Variants in DAB1 observed in about 807,000 individuals in gnomAD.
DAB1 encodes DAB adaptor protein 1.
A neutral mutation model predicts 64.6 loss-of-function variants in DAB1; 15 were observed. The ratio of observed to expected loss-of-function variants is 0.23; its 90% confidence interval spans 0.16 to 0.36. DAB1 has a LOEUF of 0.36. Among genes scored for constraint, DAB1 ranks in the 10% least tolerant of loss-of-function variants. The probability of loss-of-function intolerance (pLI) is 1.00; values close to 1 mark genes in which losing one functional copy is unlikely to be tolerated. For synonymous variants in DAB1, 235 were observed against 251.9 expected (o/e 0.93, Z 0.64); for missense variants, 596 against 706.7 (o/e 0.84, Z 1.78).
In DAB1 at chr1:57,286,956, T is replaced by C. The variant is rs1672364989; in HGVS notation, c.67+4008A>G. Among the ~76,000 whole-genome samples, 3 of 152,218 alleles carry C rather than the reference T, an allele frequency of 2.0e-5. No individual in the cohort carries two copies. In the South Asian group the frequency reaches 6.2e-4, roughly 32 times the overall value. Reference sequence around the variant, plus strand: ...AGTATAAATTATAAGAGGAAAAATATGTATAATCATTGAAATAAATACAGA... The same window carrying C: ...AGTATAAATTATAAGAGGAAAAATACGTATAATCATTGAAATAAATACAGA... On this transcript the variant is annotated intron_variant, in intron 2 of 14. Transcript: ENST00000371236.
intron 5 of DAB1, among the ~76,000 whole-genome samples, chr1:58,020,673 G>C (rs532017466): frequency 9.2e-5 from 14 of 152,192 alleles, no homozygotes; most frequent in Non-Finnish European, 1.8e-4. Flanking sequence ...CCAATGAGAA[G>C]TTGTGTAAAA....
chr1:58,232,538 T>C (rs932931074), intron 4 of DAB1, among the ~76,000 whole-genome samples: 1 of 149,740 alleles, frequency 6.7e-6, no homozygotes, highest in Non-Finnish European at 1.5e-5. Flanking sequence ...GACAAACGAA[T>C]TCTGTGCCTA....
At chr1:57,275,490 T>A (rs2764664) in intron 2 of DAB1, among the ~76,000 whole-genome samples, 1 of 151,974 alleles carries the variant, frequency 6.6e-6, no homozygotes, top group Non-Finnish European at 1.5e-5. Flanking sequence ...GTTTAAAATT[T>A]GAATCCTTTA....
At chr1:58,488,505 G>A (rs1489020384) in intron 3 of DAB1, among the ~76,000 whole-genome samples, 2 of 152,138 alleles carry the variant, frequency 1.3e-5, no homozygotes, top group Non-Finnish European at 2.9e-5. Flanking sequence ...ACACTGGAGT[G>A]CAATGGCGCG....
At chr1:57,219,475 A>T (rs76816950) in intron 2 of DAB1, among the ~76,000 whole-genome samples, 5,803 of 152,308 alleles carry the variant, frequency 0.038, 154 homozygotes, top group African/African-American at 0.068. Flanking sequence ...CATATGTGGC[A>T]GATCCACCCT....
chr1:57,500,354 G>A (rs1348857030), intron 7 of DAB1, among the ~76,000 whole-genome samples: 1 of 152,156 alleles, frequency 6.6e-6, no homozygotes, highest in African/African-American at 2.4e-5. Context: ...TGCCAATCTT[G>A]CAACATGTCT....
At chr1:58,287,896 C>T (rs1661724214) in intron 4 of DAB1, among the ~76,000 whole-genome samples, 1 of 151,750 alleles carries the variant, frequency 6.6e-6, no homozygotes, top group African/African-American at 2.4e-5. Context: ...GTAATGCCCA[C>T]CTGTAGTCCC....
intron 1 of DAB1, among the ~76,000 whole-genome samples, chr1:57,365,015 C>T (rs72674873): frequency 0.084 from 12,374 of 147,272 alleles, 697 homozygotes; most frequent in Non-Finnish European, 0.12. Flanking sequence ...GAAATGGGCA[C>T]TGGGATTTTT....
At chr1:57,856,410 A>C (rs1410739661) in intron 1 of DAB1, among the ~76,000 whole-genome samples, 4 of 152,172 alleles carry the variant, frequency 2.6e-5, no homozygotes, top group South Asian at 4.1e-4. Context: ...TTTTATTTCT[A>C]GCATCTAGCA....
chr1:57,893,892 C>T (rs533566556), intron 5 of DAB1, among the ~76,000 whole-genome samples: 3 of 152,222 alleles, frequency 2.0e-5, no homozygotes, highest in Admixed American at 2.0e-4. Context: ...TTTGAGAGGG[C>T]TCACACCTGA....
At chr1:58,305,569 G>A (rs569327007) in intron 4 of DAB1, among the ~76,000 whole-genome samples, 80 of 152,184 alleles carry the variant, frequency 5.3e-4, no homozygotes, top group African/African-American at 1.8e-3. Context: ...ATCTCTGTGT[G>A]TAAAGCATTT....
chr1:58,216,122 C>T (rs1022858787), intron 4 of DAB1, among the ~76,000 whole-genome samples: 3 of 152,100 alleles, frequency 2.0e-5, no homozygotes, highest in African/African-American at 7.2e-5. Flanking sequence ...TGGTGGTTTG[C>T]TGCACCCATC....
chr1:57,284,655 C>A (rs1672170883), intron 2 of DAB1, among the ~76,000 whole-genome samples: 1 of 152,238 alleles, frequency 6.6e-6, no homozygotes, highest in South Asian at 2.1e-4. Context: ...GATAAATAAG[C>A]CTGATAAAAA....
intron 7 of DAB1, among the ~76,000 whole-genome samples, chr1:57,539,802 T>C (rs1206393052): frequency 6.6e-6 from 1 of 152,154 alleles, no homozygotes; most frequent in Admixed American, 6.5e-5. Context: ...AGGTGAGTAA[T>C]GAGAGGAAAG....
chr1:58,239,279 T>C (rs962757660), intron 4 of DAB1, among the ~76,000 whole-genome samples: 1 of 152,208 alleles, frequency 6.6e-6, no homozygotes, highest in Admixed American at 6.5e-5. Context: ...AAGCCTGAAA[T>C]AGCTGCACAA....
intron 4 of DAB1, among the ~76,000 whole-genome samples, chr1:57,084,484 C>T (rs1652858663): frequency 6.6e-6 from 1 of 152,202 alleles, no homozygotes; most frequent in African/African-American, 2.4e-5. Flanking sequence ...TTTGGAGAAA[C>T]AGCCCTTGGA....
intron 2 of DAB1, among the ~76,000 whole-genome samples, chr1:58,517,427 A>G (rs1000804840): frequency 1.3e-5 from 2 of 152,176 alleles, no homozygotes; most frequent in Admixed American, 6.5e-5. Flanking sequence ...ACCTATCAAC[A>G]TCTTCATCAG....
At chr1:57,382,091 T>C (rs968153504) in intron 1 of DAB1, among the ~76,000 whole-genome samples, 3 of 152,180 alleles carry the variant, frequency 2.0e-5, no homozygotes, top group African/African-American at 7.2e-5. Flanking sequence ...GATAAAGCTT[T>C]CACCCTCCCT....
intron 3 of DAB1, among the ~76,000 whole-genome samples, chr1:58,354,278 C>A (rs977876399): frequency 2.0e-5 from 3 of 152,008 alleles, no homozygotes; most frequent in African/African-American, 7.2e-5. Context: ...CGAATTCAAG[C>A]GAGGAATGAC....
Sources: gnomAD v4.1 joint callset for allele counts (sites outside exome capture counted in the v4.1 genomes callset) on GRCh38, gnomAD v4.1.1 for gene constraint, MANE v1.5 for transcripts, NCBI Gene and HGNC (gene_info 2026-07-23, HGNC 2026-07-21) for gene names.